Variants in SPTLC2 observed in about 807,000 individuals in gnomAD.
The protein encoded by SPTLC2 is serine palmitoyltransferase 2.
In SPTLC2, 21 loss-of-function variants were observed where a neutral mutation model predicts 62.0. The ratio of observed to expected loss-of-function variants is 0.34; its 90% CI spans 0.24 to 0.49. The LOEUF is 0.49. Ranked by LOEUF, SPTLC2 falls within the 20% of genes least tolerant of loss-of-function variation. The pLI, the probability that SPTLC2 is intolerant of heterozygous loss-of-function variation, is 0.99. For missense variants in SPTLC2, 511 were observed against 713.0 expected (o/e 0.72, Z 3.23); for synonymous variants, 261 against 261.8 (o/e 1.00, Z 0.03).
chr14:77,573,351 A>G (rs1249620045), intron 4 of SPTLC2, among the ~76,000 whole-genome samples: 1 of 152,164 alleles, frequency 6.6e-6, no homozygotes, highest in African/African-American at 2.4e-5. Flanking sequence ...ATCCCAACAT[A>G]TAGAAATAAT....
At chr14:77,562,691 T>C (rs2079621470) in intron 5 of SPTLC2, among the ~76,000 whole-genome samples, 1 of 152,208 alleles carries the variant, frequency 6.6e-6, no homozygotes, top group Admixed American at 6.5e-5. Context: ...AGATGCAAAA[T>C]TCTAGCCTTT....
At chr14:77,515,332 C>G (rs1314497388) in intron 11 of SPTLC2, among the ~76,000 whole-genome samples, 1 of 152,138 alleles carries the variant, frequency 6.6e-6, no homozygotes, top group Non-Finnish European at 1.5e-5. Flanking sequence ...TCTCCCAGTC[C>G]ATTTTTTTCT....
intron 2 of SPTLC2, among the ~76,000 whole-genome samples, chr14:77,587,327 T>C (rs941424322): frequency 6.6e-6 from 1 of 152,108 alleles, no homozygotes; most frequent in Non-Finnish European, 1.5e-5. Context: ...ACTGAAGACA[T>C]GCATACTCTA....
intron 9 of SPTLC2, among the ~76,000 whole-genome samples, chr14:77,535,338 G>A (rs1024355950): frequency 1.1e-4 from 17 of 152,140 alleles, no homozygotes; most frequent in African/African-American, 3.6e-4. Flanking sequence ...GAAGTCAACA[G>A]ACAGATAGAT....
At chr14:77,568,247 A>T (rs990255838) in intron 5 of SPTLC2, among the ~76,000 whole-genome samples, 5 of 152,170 alleles carry the variant, frequency 3.3e-5, no homozygotes, top group African/African-American at 1.2e-4. Flanking sequence ...TTAATTTTCA[A>T]ATATTCAAAG....
chr14:77,550,594 G>GGAAAA (rs139751760), intron 9 of SPTLC2, among the ~76,000 whole-genome samples: 18,318 of 151,222 alleles, frequency 0.12, 1,376 homozygotes, highest in African/African-American at 0.21. Context: ...GAAAAGGAAA[G>GGAAAA]GAAAAGAAAA....
chr14:77,540,725 T>C (rs929234754), intron 9 of SPTLC2, among the ~76,000 whole-genome samples: 1 of 152,158 alleles, frequency 6.6e-6, no homozygotes, highest in Non-Finnish European at 1.5e-5. Flanking sequence ...TCACCCACCT[T>C]AGACTCCCAA....
chr14:77,515,593 G>C (rs1456551824), intron 11 of SPTLC2, among the ~76,000 whole-genome samples: 1 of 136,096 alleles, frequency 7.3e-6, no homozygotes, highest in African/African-American at 3.0e-5. Context: ...ACTGTCGCCC[G>C]GGCTGGAGTG....
chr14:77,526,610 A>G (rs2079410259), intron 9 of SPTLC2, among the ~76,000 whole-genome samples: 2 of 152,170 alleles, frequency 1.3e-5, no homozygotes, highest in Admixed American at 1.3e-4. Context: ...TCTACTGTAA[A>G]AAAATCTACA....
intron 9 of SPTLC2, among the ~76,000 whole-genome samples, chr14:77,531,691 T>G (rs2079442012): frequency 6.6e-6 from 1 of 152,044 alleles, no homozygotes; most frequent in Non-Finnish European, 1.5e-5. Context: ...TTTGTATTTT[T>G]AGTAGAGACA....
At chr14:77,615,876 G>C (rs1347339006) in intron 1 of SPTLC2, among the ~76,000 whole-genome samples, 2 of 152,188 alleles carry the variant, frequency 1.3e-5, no homozygotes, top group Non-Finnish European at 2.9e-5. Context: ...ATGCTTTCGA[G>C]GGACCAGCTT....
chr14:77,531,472 TCCC>T (rs1358060178), intron 9 of SPTLC2, among the ~76,000 whole-genome samples: 17 of 91,198 alleles, frequency 1.9e-4, no homozygotes, highest in African/African-American at 6.0e-4. Context: ...CTCCTCCTCC[TCCC>T]CCTCCCCCTC....
At chr14:77,552,412 A>G (rs1263097114) in intron 8 of SPTLC2, among the ~76,000 whole-genome samples, 190 bp from the exon 9 acceptor site, 3 of 152,242 alleles carry the variant, frequency 2.0e-5, no homozygotes, top group Non-Finnish European at 4.4e-5. Flanking sequence ...GAAACATGGC[A>G]AAGTTCTTAG....
chr14:77,616,405 G>T, intron 1 of SPTLC2, 43 bp downstream of exon 1: 1 of 1,294,508 alleles, frequency 7.7e-7, no homozygotes, highest in Non-Finnish European at 9.9e-7. Flanking sequence ...CCCTCCGCCA[G>T]TCCACACCGC....
At chr14:77,565,242 CAAAAAAA>C (rs59356054) in intron 5 of SPTLC2, among the ~76,000 whole-genome samples, 56 of 33,692 alleles carry the variant, frequency 1.7e-3, no homozygotes, top group African/African-American at 2.7e-3. Context: ...AACTCCATCT[CAAAAAAA>C]AAAAAAAAAA....
chr14:77,580,840 G>T (rs550053668), intron 2 of SPTLC2, among the ~76,000 whole-genome samples: 5 of 152,328 alleles, frequency 3.3e-5, no homozygotes, highest in African/African-American at 1.2e-4. Flanking sequence ...AACATAGTGG[G>T]ACTCTGTCTC....
intron 1 of SPTLC2, 59 bp downstream of exon 1, chr14:77,616,389 G>A (rs2079967492): frequency 8.1e-6 from 9 of 1,106,242 alleles, no homozygotes; most frequent in African/African-American, 4.9e-5. Flanking sequence ...CGCCCCGCCC[G>A]GCCGCCCCTC....
chr14:77,564,713 T>A (rs945156402), intron 5 of SPTLC2, among the ~76,000 whole-genome samples: 1 of 151,938 alleles, frequency 6.6e-6, no homozygotes, highest in South Asian at 2.1e-4. Context: ...AAAAAAAAGT[T>A]ATTATATATT....
chr14:77,579,412 C>T (rs189854827), intron 2 of SPTLC2, among the ~76,000 whole-genome samples: 211 of 152,260 alleles, frequency 1.4e-3, no homozygotes, highest in African/African-American at 4.9e-3. Flanking sequence ...CATTTTCATA[C>T]TGTAAGAGCA....
Sources: allele counts gnomAD v4.1 joint callset (sites outside exome capture counted in the v4.1 genomes callset), GRCh38; gene constraint gnomAD v4.1.1; transcripts MANE v1.5; gene names NCBI Gene and HGNC (gene_info 2026-07-23, HGNC 2026-07-21).